DNAI2: variants seen among roughly 807,000 people sequenced by gnomAD.
DNAI2 encodes the protein dynein, axonemal, intermediate polypeptide 2.
In DNAI2, 63 loss-of-function variants were observed where a neutral mutation model predicts 74.7. The ratio of observed to expected loss-of-function variants is 0.84; its 90% CI spans 0.69 to 1.04. The LOEUF is 1.04. Ranked by LOEUF, DNAI2 falls within the 50% of genes least tolerant of loss-of-function variation. The probability of loss-of-function intolerance (pLI) is 0.00; values close to 1 mark genes in which losing one functional copy is unlikely to be tolerated. For synonymous variants in DNAI2, 289 were observed against 314.9 expected (o/e 0.92, Z 0.87); for missense variants, 688 against 803.2 (o/e 0.86, Z 1.73).
Position 74,310,124 on chromosome 17 carries a change from C to G in DNAI2, c.1455C>G (p.Leu485=), listed in dbSNP as rs901923607. 10 of 1,613,782 alleles carry G rather than the reference C, an allele frequency of 6.2e-6. No homozygotes were observed. The highest frequency in any genetic ancestry group is 1.7e-5 in the Admixed American group (1 of 60,022). The change falls in exon 11 of 14, where the codon CTC becomes CTG. Residue 485 remains leucine (L), a synonymous_variant. Coordinates refer to ENST00000311014, the MANE Select transcript of DNAI2 (RefSeq NM_023036.6). ...CCCTGCTGGAGGTCTCGCCTGGGCT[C>G]TCTACCCTCCAGAGGAATGAGAAGA... is the stretch of plus-strand genomic sequence containing the variant. The part of the protein sequence containing the change: ...TTTLLEVSPG[L]STLQRNEKNV...
intron 1 of DNAI2, among the ~76,000 whole-genome samples, chr17:74,278,212 T>G (rs1324785776): frequency 6.6e-6 from 1 of 152,060 alleles, no homozygotes; most frequent in Admixed American, 6.6e-5. Context: ...GGAGGATCAC[T>G]TGAGCCCAGG....
chr17:74,292,415 C>CTTTTTT (rs56013644), intron 6 of DNAI2, among the ~76,000 whole-genome samples: 9 of 112,892 alleles, frequency 8.0e-5, no homozygotes, highest in African/African-American at 2.7e-4. Context: ...TTTTCTTTTT[C>CTTTTTT]TTTTTTTTTT....
intron 6 of DNAI2, among the ~76,000 whole-genome samples, 153 bp downstream of exon 6, chr17:74,291,286 G>A (rs185625359): frequency 8.6e-5 from 13 of 152,040 alleles, no homozygotes; most frequent in African/African-American, 2.2e-4. Context: ...TCAGCCTCCC[G>A]AGTCGCTGAG....
At chr17:74,297,261 AT>A (rs527624967) in intron 6 of DNAI2, among the ~76,000 whole-genome samples, 230 of 134,740 alleles carry the variant, frequency 1.7e-3, no homozygotes, top group Middle Eastern at 4.5e-3. Flanking sequence ...AATGTTTTGT[AT>A]TTTTTTTTTT....
chr17:74,294,507 G>A (rs1459495320), intron 6 of DNAI2, among the ~76,000 whole-genome samples: 2 of 151,526 alleles, frequency 1.3e-5, no homozygotes, highest in Non-Finnish European at 2.9e-5. Flanking sequence ...GTAGAGATAG[G>A]GTCTTGCTAT....
At chr17:74,276,001 G>A (rs1336529980) in intron 1 of DNAI2, among the ~76,000 whole-genome samples, 1 of 152,104 alleles carries the variant, frequency 6.6e-6, no homozygotes, top group African/African-American at 2.4e-5. Context: ...AAGAAGAAGA[G>A]GAAAATGTTC....
At chr17:74,280,155 G>T (rs1598265239) in intron 1 of DNAI2, among the ~76,000 whole-genome samples, 1 of 152,196 alleles carries the variant, frequency 6.6e-6, no homozygotes, top group Non-Finnish European at 1.5e-5. Context: ...GATGTCATGG[G>T]GGAGTCAGAA....
intron 2 of DNAI2, among the ~76,000 whole-genome samples, chr17:74,284,332 A>G (rs2051571201): frequency 6.6e-6 from 1 of 152,120 alleles, no homozygotes; most frequent in Admixed American, 6.5e-5. Flanking sequence ...TTAACGTTCA[A>G]TTTTTGTGAC....
chr17:74,297,889 T>G (rs1304277846), intron 6 of DNAI2, among the ~76,000 whole-genome samples: 1 of 152,188 alleles, frequency 6.6e-6, no homozygotes, highest in African/African-American at 2.4e-5. Flanking sequence ...TTTTGCTGCT[T>G]CTTCGGGAGT....
At chr17:74,303,139 G>A (rs1343043439) in intron 8 of DNAI2, among the ~76,000 whole-genome samples, 2 of 152,102 alleles carry the variant, frequency 1.3e-5, no homozygotes, top group Admixed American at 1.3e-4. Flanking sequence ...CATCTCGTGG[G>A]GTAATGTTAT....
chr17:74,282,323 T>A (rs1050850357), intron 2 of DNAI2, among the ~76,000 whole-genome samples: 2 of 151,704 alleles, frequency 1.3e-5, no homozygotes, highest in Admixed American at 1.3e-4. Flanking sequence ...ATTTTTTTTT[T>A]AAACAGGGTC....
intron 6 of DNAI2, among the ~76,000 whole-genome samples, chr17:74,292,415 CTTTTTT>C (rs56013644): frequency 8.9e-5 from 10 of 112,914 alleles, no homozygotes; most frequent in Admixed American, 6.6e-4. Flanking sequence ...TTTTCTTTTT[CTTTTTT>C]TTTTTTTTTT....
intron 6 of DNAI2, among the ~76,000 whole-genome samples, chr17:74,298,212 G>A (rs1263403682): frequency 2.0e-5 from 3 of 152,234 alleles, no homozygotes; most frequent in African/African-American, 7.2e-5. Context: ...TCCAAGAAGG[G>A]CCCCTCTAGG....
chr17:74,275,202 C>G (rs137875814), intron 1 of DNAI2, among the ~76,000 whole-genome samples: 110 of 152,300 alleles, frequency 7.2e-4, no homozygotes, highest in African/African-American at 2.5e-3. Context: ...AAGGAGACCA[C>G]AAGGTAGTTG....
Position 74,299,871 on chromosome 17 carries a change from A to G in DNAI2, c.864+14A>G, listed in dbSNP as rs1445430852. On this transcript the variant is annotated intron_variant, in intron 7 of 13. Transcript: ENST00000311014. ...ACGGATGGGCAGGTACCCACCAGCC[A>G]GACACTGGAGAGAGGAGGGAAGGGA... 23 of 1,613,236 alleles carry G rather than the reference A, an allele frequency of 1.4e-5. No homozygotes were observed. Among genetic ancestry groups the G allele is most frequent in the Non-Finnish European group, 1.9e-5 (23 of 1,180,010 alleles).
chr17:74,308,035 T>A (rs2053288660), intron 9 of DNAI2, among the ~76,000 whole-genome samples: 1 of 152,062 alleles, frequency 6.6e-6, no homozygotes, highest in Non-Finnish European at 1.5e-5. Context: ...TGACCTCAGG[T>A]GATCCACCAT....
At chr17:74,284,138 C>CAAA (rs545732470) in intron 2 of DNAI2, among the ~76,000 whole-genome samples, 1 of 72,364 alleles carries the variant, frequency 1.4e-5, no homozygotes. Flanking sequence ...AACTCCTTTT[C>CAAA]AAAAAAAAAA....
intron 1 of DNAI2, among the ~76,000 whole-genome samples, chr17:74,277,587 T>A (rs1311056487): frequency 1.3e-5 from 2 of 151,932 alleles, no homozygotes; most frequent in East Asian, 1.9e-4. Flanking sequence ...GGGCCCAAGT[T>A]CCCCCTGGCA....
At position 74,289,751 on chromosome 17, in the gene DNAI2, G is replaced by A; in HGVS notation, c.610+15G>A. On this transcript the variant is annotated intron_variant, in intron 5 of 13. Coordinates refer to ENST00000311014, the MANE Select transcript of DNAI2 (RefSeq NM_023036.6). Reference sequence around the variant, plus strand: ...CTGGGACCTGGGTGAGAAGCAGCGGGGTCCTGGTGGCCTGGGAGGGCTGAG... The same window carrying A: ...CTGGGACCTGGGTGAGAAGCAGCGGAGTCCTGGTGGCCTGGGAGGGCTGAG... The A allele has an allele frequency of 6.2e-7, 1 of 1,613,756 alleles. No homozygotes were observed. The highest frequency in any genetic ancestry group is 8.5e-7 in the Non-Finnish European group (1 of 1,179,976).
Sources: allele counts gnomAD v4.1 joint callset (sites outside exome capture counted in the v4.1 genomes callset), GRCh38; gene constraint gnomAD v4.1.1; transcripts MANE v1.5; gene names NCBI Gene and HGNC (gene_info 2026-07-23, HGNC 2026-07-21).